Variants in PTPRT observed in about 807,000 individuals in gnomAD.
PTPRT encodes the protein receptor-type tyrosine-protein phosphatase T.
In PTPRT, 56 loss-of-function variants were observed where a neutral mutation model predicts 176.8. The ratio of observed to expected loss-of-function variants is 0.32; its 90% CI spans 0.26 to 0.40. The LOEUF is 0.40. PTPRT is among the 10% of genes least tolerant of loss of function. The pLI is 1.00. For synonymous variants in PTPRT, 783 were observed against 739.0 expected (o/e 1.06, Z -0.96); for missense variants, 1,540 against 1,908.2 (o/e 0.81, Z 3.60).
At chr20:42,902,100 G>A (rs1250850233) in intron 1 of PTPRT, among the ~76,000 whole-genome samples, 1 of 152,180 alleles carries the variant, frequency 6.6e-6, no homozygotes, top group Non-Finnish European at 1.5e-5. Flanking sequence ...ACCAGGAGAT[G>A]GATGACGGCA....
chr20:42,332,711 A>G (rs1350877493), intron 11 of PTPRT, among the ~76,000 whole-genome samples: 2 of 152,206 alleles, frequency 1.3e-5, no homozygotes, highest in African/African-American at 4.8e-5. Flanking sequence ...TTTGTTGTCA[A>G]AGACATAAGG....
intron 1 of PTPRT, among the ~76,000 whole-genome samples, chr20:43,111,137 G>C (rs1411969984): frequency 6.6e-6 from 1 of 152,176 alleles, no homozygotes; most frequent in Non-Finnish European, 1.5e-5. Context: ...CCAAGGTGCA[G>C]GTTGGCAGGC....
chr20:43,066,082 A>C (rs1043200356), intron 1 of PTPRT, among the ~76,000 whole-genome samples: 4 of 152,040 alleles, frequency 2.6e-5, no homozygotes, highest in Non-Finnish European at 5.9e-5. Context: ...GATTTCCAGA[A>C]ACCATGTCTT....
rs557332030 is a variant in PTPRT at position 42,733,864 on chromosome 20, G to C, written c.859+22598C>G. Among the ~76,000 whole-genome samples the C allele has an allele frequency of 2.0e-5, 3 of 152,324 alleles. No homozygotes were observed. In the South Asian group the frequency reaches 6.2e-4, roughly 32 times the overall value. ...GAAGCAGGCACGAGGGATGTACTGG[G>C]AGTAGGGAGGAAGGCCTTGGCCAGG... On this transcript the variant is annotated intron_variant, in intron 6 of 30. Coordinates refer to ENST00000373187, the MANE Select transcript of PTPRT (RefSeq NM_007050.6).
intron 1 of PTPRT, among the ~76,000 whole-genome samples, chr20:42,914,534 A>G (rs933256219): frequency 1.3e-5 from 2 of 152,238 alleles, no homozygotes; most frequent in Non-Finnish European, 2.9e-5. Flanking sequence ...CGCTTGCAAC[A>G]ATATGGCCAA....
chr20:42,464,967 C>T (rs2071080027), intron 8 of PTPRT, among the ~76,000 whole-genome samples: 1 of 151,862 alleles, frequency 6.6e-6, no homozygotes, highest in Admixed American at 6.6e-5. Context: ...CCTTACAATT[C>T]AAGTACATGA....
intron 16 of PTPRT, among the ~76,000 whole-genome samples, chr20:42,181,139 C>T (rs1159873656): frequency 2.0e-5 from 3 of 152,096 alleles, no homozygotes; most frequent in Admixed American, 6.5e-5. Flanking sequence ...ATGATACATC[C>T]CTTAATACAT....
chr20:43,049,032 G>C (rs934010310), intron 1 of PTPRT, among the ~76,000 whole-genome samples: 1 of 152,172 alleles, frequency 6.6e-6, no homozygotes, highest in African/African-American at 2.4e-5. Flanking sequence ...AGCTAAACAA[G>C]AGAACGAAAT....
At chr20:42,773,023 A>G (rs1276418086) in intron 4 of PTPRT, among the ~76,000 whole-genome samples, 1 of 152,194 alleles carries the variant, frequency 6.6e-6, no homozygotes, top group Non-Finnish European at 1.5e-5. Flanking sequence ...CCCCAAACTC[A>G]GCATGTAACA....
At chr20:43,070,797 G>C (rs6130286) in intron 1 of PTPRT, among the ~76,000 whole-genome samples, 1 of 151,856 alleles carries the variant, frequency 6.6e-6, no homozygotes, top group Non-Finnish European at 1.5e-5. Flanking sequence ...GACTCAGGAA[G>C]GGGAACATCA....
intron 7 of PTPRT, among the ~76,000 whole-genome samples, chr20:42,501,782 C>T (rs2071754541): frequency 6.6e-6 from 1 of 152,168 alleles, no homozygotes; most frequent in South Asian, 2.1e-4. Flanking sequence ...ACCCCCACTT[C>T]TCTAGCTTTG....
intron 22 of PTPRT, among the ~76,000 whole-genome samples, chr20:42,112,361 C>T (rs1987046836): frequency 6.6e-6 from 1 of 152,154 alleles, no homozygotes; most frequent in Admixed American, 6.5e-5. Flanking sequence ...AACCCCCCTC[C>T]CCTGGGGTGT....
intron 27 of PTPRT, among the ~76,000 whole-genome samples, chr20:42,088,494 G>A (rs149505460): frequency 6.6e-6 from 1 of 150,982 alleles, no homozygotes; most frequent in Non-Finnish European, 1.5e-5. Flanking sequence ...CAGCGAGCAG[G>A]AAGGATGTAG....
At chr20:42,566,391 C>T (rs2073040646) in intron 7 of PTPRT, among the ~76,000 whole-genome samples, 1 of 152,202 alleles carries the variant, frequency 6.6e-6, no homozygotes, top group Admixed American at 6.5e-5. Flanking sequence ...TTGCCTTGGC[C>T]ACCCAAAGTT....
At chr20:42,919,890 AAGAGATT>A (rs1979031406) in intron 1 of PTPRT, among the ~76,000 whole-genome samples, 1 of 152,204 alleles carries the variant, frequency 6.6e-6, no homozygotes, top group African/African-American at 2.4e-5. Context: ...TGGGTGCCAT[AAGAGATT>A]TCCTAAGGTT....
the PTPRT span, among the ~76,000 whole-genome samples, chr20:42,066,850 C>T: frequency 9.9e-5 from 15 of 152,176 alleles, no homozygotes; most frequent in South Asian, 4.2e-4. Flanking sequence ...TGTTTTCTCT[C>T]GATTAGACTT....
intron 13 of PTPRT, among the ~76,000 whole-genome samples, chr20:42,254,712 C>T (rs6102751): frequency 0.018 from 2,714 of 152,182 alleles, 81 homozygotes; most frequent in African/African-American, 0.061. Flanking sequence ...CCTTTCAATG[C>T]GGCATCATGT....
chr20:42,959,131 T>G (rs2146036154), intron 1 of PTPRT, among the ~76,000 whole-genome samples: 1 of 152,288 alleles, frequency 6.6e-6, no homozygotes, highest in East Asian at 1.9e-4. Context: ...ACTACTTGGG[T>G]TTGAACTTAG....
At chr20:42,799,741 T>C (rs1362100947) in intron 2 of PTPRT, among the ~76,000 whole-genome samples, 1 of 152,096 alleles carries the variant, frequency 6.6e-6, no homozygotes, top group Non-Finnish European at 1.5e-5. Flanking sequence ...TATGCACCCA[T>C]TTTAACCACA....
Sources: allele counts gnomAD v4.1 joint callset (sites outside exome capture counted in the v4.1 genomes callset), GRCh38; gene constraint gnomAD v4.1.1; transcripts MANE v1.5; gene names NCBI Gene and HGNC (gene_info 2026-07-23, HGNC 2026-07-21).